The following AK5 variants were observed in gnomAD, a reference collection of about 807,000 sequenced individuals.
The protein encoded by AK5 is adenylate kinase isoenzyme 5.
In AK5, 27 loss-of-function variants were observed where a neutral mutation model predicts 69.5. The observed-to-expected ratio is 0.39, with a 90% CI of 0.29 to 0.54. The LOEUF (loss-of-function observed/expected upper bound fraction) is 0.54, where lower values mean the gene tolerates loss of function less well. Ranked by LOEUF, AK5 falls within the 20% of genes least tolerant of loss-of-function variation. The pLI, the probability that AK5 is intolerant of heterozygous loss-of-function variation, is 0.71. For missense variants in AK5, 531 were observed against 700.4 expected (o/e 0.76, Z 2.73); for synonymous variants, 260 against 244.4 (o/e 1.06, Z -0.60).
chr1:77,420,090 A>G (rs973432113), intron 8 of AK5, among the ~76,000 whole-genome samples: 3 of 152,146 alleles, frequency 2.0e-5, no homozygotes, highest in African/African-American at 7.2e-5. Flanking sequence ...CAATAAACAT[A>G]GTAAATTAGT....
At chr1:77,284,775 G>A (rs1388192117) in intron 1 of AK5, among the ~76,000 whole-genome samples, 1 of 152,196 alleles carries the variant, frequency 6.6e-6, no homozygotes, top group Non-Finnish European at 1.5e-5. Context: ...TTCAATCCCT[G>A]ATAGTGGCTG....
chr1:77,522,631 G>A, intron 12 of AK5, among the ~76,000 whole-genome samples: 1 of 152,082 alleles, frequency 6.6e-6, no homozygotes. Flanking sequence ...CTAGTGAGGA[G>A]GGTGGGTCAG....
At chr1:77,476,049 A>G (rs1365216355) in intron 8 of AK5, among the ~76,000 whole-genome samples, 1 of 152,222 alleles carries the variant, frequency 6.6e-6, no homozygotes, top group East Asian at 1.9e-4. Flanking sequence ...CATTTCTCCT[A>G]GAGAACTAGG....
chr1:77,290,608 T>C (rs1283409848), intron 2 of AK5, among the ~76,000 whole-genome samples: 3 of 152,216 alleles, frequency 2.0e-5, no homozygotes, highest in Non-Finnish European at 4.4e-5. Flanking sequence ...AGAGTTCTAA[T>C]CCCATAACCC....
At chr1:77,427,858 C>A (rs772746274) in intron 8 of AK5, among the ~76,000 whole-genome samples, 3 of 152,146 alleles carry the variant, frequency 2.0e-5, no homozygotes, top group African/African-American at 7.2e-5. Context: ...GAAGCCCAAG[C>A]TAATGCAATA....
chr1:77,476,849 T>C, intron 8 of AK5, among the ~76,000 whole-genome samples: 1 of 151,662 alleles, frequency 6.6e-6, no homozygotes, highest in East Asian at 1.9e-4. Flanking sequence ...ACTGAAATAA[T>C]AGTTCCAGTA....
rs554255068 is a variant in AK5, at chr1:77,444,099, T to C, written c.1059+26384T>C. On this transcript the variant is annotated intron_variant, in intron 8 of 13. Transcript: ENST00000354567. Reference sequence around the variant, plus strand: ...CTTTGACCTATAGCTACCCATTTCCTGTCCTCTCCCTGCCACTGCCCAACC... The same window carrying C: ...CTTTGACCTATAGCTACCCATTTCCCGTCCTCTCCCTGCCACTGCCCAACC... Among the ~76,000 whole-genome samples the C allele has an allele frequency of 2.9e-4, 44 of 149,648 alleles. No individual in the cohort carries two copies. In the East Asian group the frequency reaches 6.9e-3, roughly 23 times the overall value.
At chr1:77,332,508 G>A (rs1013524150) in intron 5 of AK5, among the ~76,000 whole-genome samples, 1 of 149,110 alleles carries the variant, frequency 6.7e-6, no homozygotes, top group African/African-American at 2.5e-5. Context: ...ATTATTTTTT[G>A]CCATGGTGAT....
chr1:77,554,608 G>A (rs918741803), intron 13 of AK5, among the ~76,000 whole-genome samples: 4 of 151,906 alleles, frequency 2.6e-5, no homozygotes, highest in Admixed American at 1.3e-4. Context: ...TTTTGTTTTT[G>A]TTTTTGTTTT....
At chr1:77,371,239 T>A (rs576093383) in intron 6 of AK5, 1 of 152,422 alleles carries the variant, frequency 6.6e-6, no homozygotes, top group South Asian at 2.1e-4. Context: ...CTTGGCACCA[T>A]TTAGCATCTT....
At chr1:77,301,471 T>A (rs1191885654) in intron 5 of AK5, among the ~76,000 whole-genome samples, 1 of 152,216 alleles carries the variant, frequency 6.6e-6, no homozygotes, top group Admixed American at 6.5e-5. Flanking sequence ...ATGCTATTAC[T>A]ATGGAAGTCT....
chr1:77,441,462 T>A (rs1218387208), intron 8 of AK5, among the ~76,000 whole-genome samples: 1 of 152,186 alleles, frequency 6.6e-6, no homozygotes, highest in Admixed American at 6.5e-5. Context: ...AAAAGACTCA[T>A]CTACAGTTGG....
intron 10 of AK5, among the ~76,000 whole-genome samples, chr1:77,506,572 T>C (rs1188490957): frequency 6.6e-6 from 1 of 152,166 alleles, no homozygotes. Flanking sequence ...TCATGGCATT[T>C]GGTTTCAGAG....
intron 8 of AK5, among the ~76,000 whole-genome samples, chr1:77,456,124 T>C (rs543437133): frequency 3.9e-5 from 6 of 152,184 alleles, no homozygotes; most frequent in African/African-American, 1.4e-4. Context: ...GCAATGTCTG[T>C]TTGGAGAAAA....
chr1:77,489,340 CT>C (rs1655831089), intron 10 of AK5, among the ~76,000 whole-genome samples: 1 of 152,134 alleles, frequency 6.6e-6, no homozygotes, highest in Admixed American at 6.5e-5. Flanking sequence ...GAGATTTCAG[CT>C]TGCTGTTTGG....
chr1:77,351,122 G>A (rs1039551291), intron 6 of AK5, among the ~76,000 whole-genome samples: 14 of 152,294 alleles, frequency 9.2e-5, no homozygotes, highest in Middle Eastern at 3.4e-3. Context: ...GGCCGGGCGC[G>A]GTGGCTCATG....
At chr1:77,530,543 A>G (rs1035235294) in intron 12 of AK5, among the ~76,000 whole-genome samples, 2 of 152,172 alleles carry the variant, frequency 1.3e-5, no homozygotes, top group African/African-American at 4.8e-5. Flanking sequence ...CTAGACCTAA[A>G]TCTGACCAGT....
At chr1:77,558,559 C>CAGAT (rs1284716105) in intron 13 of AK5, 43 bp from the exon 14 acceptor site, 7 of 1,211,192 alleles carry the variant, frequency 5.8e-6, no homozygotes, top group Non-Finnish European at 8.5e-6. Context: ...ACATGATTTA[C>CAGAT]AGATATTTCA....
intron 10 of AK5, among the ~76,000 whole-genome samples, chr1:77,499,310 T>C (rs368583927): frequency 1.1e-4 from 17 of 152,318 alleles, no homozygotes; most frequent in South Asian, 1.0e-3. Flanking sequence ...TAACAGAGTG[T>C]AGCTGTTTTG....
Sources: gnomAD v4.1 joint callset for allele counts (sites outside exome capture counted in the v4.1 genomes callset) on GRCh38, gnomAD v4.1.1 for gene constraint, MANE v1.5 for transcripts, NCBI Gene and HGNC (gene_info 2026-07-23, HGNC 2026-07-21) for gene names.